The following MACROD2 variants were observed in gnomAD, a reference collection of about 807,000 sequenced individuals.
MACROD2 encodes mono-ADP ribosylhydrolase 2.
In MACROD2, 36 loss-of-function variants were observed where a neutral mutation model predicts 70.4. That is an observed-to-expected ratio of 0.51 (90% CI 0.39 to 0.68). The LOEUF (loss-of-function observed/expected upper bound fraction) is 0.68. Among genes scored for constraint, MACROD2 ranks in the 30% least tolerant of loss-of-function variants. MACROD2 has a pLI of 0.00. For missense variants in MACROD2, 496 were observed against 538.4 expected (o/e 0.92, Z 0.78); for synonymous variants, 172 against 178.8 (o/e 0.96, Z 0.30).
At chr20:15,719,961 A>T (rs776258136) in intron 8 of MACROD2, among the ~76,000 whole-genome samples, 1 of 151,702 alleles carries the variant, frequency 6.6e-6, no homozygotes, top group Non-Finnish European at 1.5e-5. Context: ...AATGTCCCCT[A>T]CCCTCCCCAG....
At chr20:15,409,875 G>A (rs374574328) in intron 6 of MACROD2, among the ~76,000 whole-genome samples, 38 of 152,244 alleles carry the variant, frequency 2.5e-4, no homozygotes, top group African/African-American at 8.4e-4. Flanking sequence ...GAGGGGCCAC[G>A]GGTGAAACAT....
At chr20:14,309,998 G>C (rs1215744593) in intron 3 of MACROD2, among the ~76,000 whole-genome samples, 1 of 152,068 alleles carries the variant, frequency 6.6e-6, no homozygotes, top group Non-Finnish European at 1.5e-5. Flanking sequence ...CAGCATGTAT[G>C]GGGTACGTGT....
chr20:14,678,623 C>T (rs902750899), intron 4 of MACROD2, among the ~76,000 whole-genome samples: 26 of 151,916 alleles, frequency 1.7e-4, no homozygotes, highest in African/African-American at 4.6e-4. Context: ...TCTGTCAGCC[C>T]GAGTACAAAC....
intron 8 of MACROD2, among the ~76,000 whole-genome samples, chr20:15,529,292 CTGTGTG>C (rs56136161): frequency 1.3e-5 from 2 of 149,142 alleles, no homozygotes; most frequent in East Asian, 3.9e-4. Context: ...GTGTGCATGC[CTGTGTG>C]TGTGTGTGTG....
intron 3 of MACROD2, among the ~76,000 whole-genome samples, chr20:14,252,563 A>G (rs2082021792): frequency 6.6e-6 from 1 of 151,970 alleles, no homozygotes; most frequent in African/African-American, 2.4e-5. Context: ...ATATAGCTTC[A>G]TGAAGACAAG....
chr20:14,582,874 A>G (rs1331171406), intron 4 of MACROD2, among the ~76,000 whole-genome samples: 1 of 152,122 alleles, frequency 6.6e-6, no homozygotes, highest in Non-Finnish European at 1.5e-5. Context: ...ACACAGGAGG[A>G]GGCACAGCTC....
At chr20:14,357,615 T>C in intron 3 of MACROD2, among the ~76,000 whole-genome samples, 1 of 152,232 alleles carries the variant, frequency 6.6e-6, no homozygotes, top group East Asian at 1.9e-4. Context: ...TAGTGGTTCC[T>C]CAGGGCAAAC....
intron 8 of MACROD2, among the ~76,000 whole-genome samples, chr20:15,609,785 G>C (rs1481690751): frequency 2.6e-5 from 4 of 152,332 alleles, no homozygotes; most frequent in Admixed American, 1.3e-4. Context: ...GCAGGGGTTA[G>C]GCAGTTGTAG....
intron 15 of MACROD2, 56 bp downstream of exon 15, chr20:15,987,214 C>T: frequency 7.3e-7 from 1 of 1,368,970 alleles, no homozygotes; most frequent in East Asian, 2.4e-5. Context: ...TGGATTCCTG[C>T]CTAGAATTCA....
intron 10 of MACROD2, among the ~76,000 whole-genome samples, chr20:15,910,411 TG>T (rs2065219689): frequency 6.6e-6 from 1 of 151,938 alleles, no homozygotes; most frequent in Non-Finnish European, 1.5e-5. Flanking sequence ...TGTGTGTGTG[TG>T]TGTGTGTGTG....
At chr20:14,298,305 C>T (rs1018524180) in intron 3 of MACROD2, among the ~76,000 whole-genome samples, 33 of 151,894 alleles carry the variant, frequency 2.2e-4, no homozygotes, top group African/African-American at 6.1e-4. Context: ...TGGTGGCTCA[C>T]GCCTGTAATC....
chr20:14,126,932 G>A (rs1315331565), intron 3 of MACROD2, among the ~76,000 whole-genome samples: 4 of 152,090 alleles, frequency 2.6e-5, no homozygotes, highest in Admixed American at 2.6e-4. Context: ...ATTGAAATTA[G>A]GCCAATTAAT....
chr20:14,400,642 A>G (rs34094793), intron 3 of MACROD2, among the ~76,000 whole-genome samples: 1 of 152,076 alleles, frequency 6.6e-6, no homozygotes, highest in Non-Finnish European at 1.5e-5. Context: ...GTCATGTGGA[A>G]AATGTCTCCG....
chr20:15,134,927 T>C (rs989820722), intron 5 of MACROD2, among the ~76,000 whole-genome samples: 6 of 152,134 alleles, frequency 3.9e-5, no homozygotes, highest in African/African-American at 1.4e-4. Context: ...CAGAGAATAC[T>C]ACAAGCACCT....
At chr20:15,524,321 C>T (rs1686464625) in intron 8 of MACROD2, among the ~76,000 whole-genome samples, 1 of 151,920 alleles carries the variant, frequency 6.6e-6, no homozygotes, top group South Asian at 2.1e-4. Flanking sequence ...GCAGGCTGGG[C>T]AGAGACTCCA....
intron 3 of MACROD2, among the ~76,000 whole-genome samples, chr20:14,318,998 A>T (rs1300050311): frequency 6.6e-6 from 1 of 152,206 alleles, no homozygotes; most frequent in Non-Finnish European, 1.5e-5. Context: ...AAAGTAGGGT[A>T]GGGGAGAGGT....
At chr20:14,552,124 T>C (rs149485121) in intron 4 of MACROD2, among the ~76,000 whole-genome samples, 119 of 151,930 alleles carry the variant, frequency 7.8e-4, no homozygotes, top group Middle Eastern at 3.4e-3. Context: ...ACTGGCATGC[T>C]GAACCTGGTA....
At chr20:14,133,521 T>C (rs2054747631) in intron 3 of MACROD2, among the ~76,000 whole-genome samples, 1 of 152,082 alleles carries the variant, frequency 6.6e-6, no homozygotes, top group Non-Finnish European at 1.5e-5. Context: ...AACAAATAAA[T>C]GTATATTAAA....
At chr20:14,679,981 C>T (rs986566020) in intron 4 of MACROD2, among the ~76,000 whole-genome samples, 4 of 152,154 alleles carry the variant, frequency 2.6e-5, no homozygotes, top group Admixed American at 6.5e-5. Context: ...ACATAAGGAA[C>T]CACACTGAGT....
Sources: allele counts gnomAD v4.1 joint callset (sites outside exome capture counted in the v4.1 genomes callset), GRCh38; gene constraint gnomAD v4.1.1; transcripts MANE v1.5; gene names NCBI Gene and HGNC (gene_info 2026-07-23, HGNC 2026-07-21).